ADAMTSL1: variants seen among roughly 807,000 people sequenced by gnomAD.
ADAMTSL1 encodes ADAMTS-like protein 1.
Under a neutral mutation model 201.8 loss-of-function variants are expected in ADAMTSL1, and 126 were observed. The observed-to-expected ratio is 0.62, with a 90% CI of 0.54 to 0.72. The LOEUF is 0.72. ADAMTSL1 is among the 30% of genes least tolerant of loss of function. The pLI is 0.00. For missense variants in ADAMTSL1, 2,679 were observed against 2,277.8 expected (o/e 1.18, Z -3.59); for synonymous variants, 1,121 against 903.4 (o/e 1.24, Z -4.32).
Position 18,168,002 on chromosome 9 carries a change from T to C in ADAMTSL1, c.207+4021T>C, listed in dbSNP as rs115275878. 2.2e-3 allele frequency among the ~76,000 whole-genome samples: 336 copies of C among 152,140 alleles called. 1 individual carries two copies. Among genetic ancestry groups the C allele is most frequent in the African/African-American group, 7.6e-3 (317 of 41,552 alleles). On this transcript the variant is annotated intron_variant, in intron 2 of 29. Transcript: ENST00000680146. Reference sequence around the variant, plus strand: ...TCTAATTGCTTCTTCCATAACTGTTTGTGGAATAAAGAGAAGAATGAACTA... The same window carrying C: ...TCTAATTGCTTCTTCCATAACTGTTCGTGGAATAAAGAGAAGAATGAACTA...
rs567176918 is a variant in ADAMTSL1 at position 18,720,855 on chromosome 9, C to A, written c.1877-681C>A. On this transcript the variant is annotated intron_variant, in intron 14 of 28. Coordinates refer to ENST00000380548, the MANE Select transcript of ADAMTSL1 (RefSeq NM_001040272.6). ...CCACCTTGGAGAACTTCCCAGTAAC[C>A]TTGTGCCAGTCACTGCTCAAACTCC... Among the ~76,000 whole-genome samples, 48 of 152,360 alleles carry A rather than the reference C, an allele frequency of 3.2e-4. 1 individual carries two copies. Among genetic ancestry groups the A allele is most frequent in the African/African-American group, 9.9e-4 (41 of 41,586 alleles).
chr9:18,551,763 G>A (rs13295522), intron 3 of ADAMTSL1, among the ~76,000 whole-genome samples: 36,319 of 151,634 alleles, frequency 0.24, 5,033 homozygotes, highest in Admixed American at 0.34. Flanking sequence ...ATGTAGGTCA[G>A]TGCCTGTCAC....
chr9:18,408,942 A>G (rs941865382), intron 2 of ADAMTSL1, among the ~76,000 whole-genome samples: 1 of 152,232 alleles, frequency 6.6e-6, no homozygotes, highest in East Asian at 1.9e-4. Flanking sequence ...GAGAGAGATC[A>G]AACAATTTTC....
chr9:18,502,889 C>T (rs1822915426), intron 1 of ADAMTSL1, among the ~76,000 whole-genome samples: 1 of 151,880 alleles, frequency 6.6e-6, no homozygotes, highest in Non-Finnish European at 1.5e-5. Flanking sequence ...ACTTTCAGAG[C>T]CCATATATGT....
chr9:18,483,803 G>T (rs1037547377), intron 1 of ADAMTSL1, among the ~76,000 whole-genome samples: 4 of 152,056 alleles, frequency 2.6e-5, no homozygotes, highest in African/African-American at 9.7e-5. Context: ...CTCCAGCCTG[G>T]GCGACAGAGC....
At chr9:18,537,253 C>G (rs1371562416) in intron 3 of ADAMTSL1, among the ~76,000 whole-genome samples, 1 of 152,052 alleles carries the variant, frequency 6.6e-6, no homozygotes, top group Non-Finnish European at 1.5e-5. Context: ...GCAGTTGGTG[C>G]AATGCAGAGA....
At chr9:18,844,048 C>T (rs535413194) in intron 23 of ADAMTSL1, among the ~76,000 whole-genome samples, 1 of 152,238 alleles carries the variant, frequency 6.6e-6, no homozygotes, top group African/African-American at 2.4e-5. Context: ...CAAAGTCATT[C>T]TCCGTCCAGC....
At chr9:17,928,469 C>T (rs959425238) in intron 1 of ADAMTSL1, among the ~76,000 whole-genome samples, 1 of 152,192 alleles carries the variant, frequency 6.6e-6, no homozygotes, top group South Asian at 2.1e-4. Flanking sequence ...TGACTTCTTC[C>T]ACCTTTAGCC....
intron 1 of ADAMTSL1, among the ~76,000 whole-genome samples, chr9:17,952,072 G>C (rs1461476821): frequency 6.6e-6 from 1 of 151,766 alleles, no homozygotes. Flanking sequence ...GAGTTGCTGG[G>C]AAAAGAGGTG....
At chr9:17,906,819 T>C (rs1588393361) in exon 1 of ADAMTSL1, 1 of 151,910 alleles carries the variant, frequency 6.6e-6, no homozygotes, top group Admixed American at 6.6e-5. Flanking sequence ...CTCCCCTTGG[T>C]CCCCGCCATG....
intron 2 of ADAMTSL1, among the ~76,000 whole-genome samples, chr9:18,295,646 T>G (rs1366032520): frequency 1.3e-5 from 2 of 152,202 alleles, no homozygotes; most frequent in African/African-American, 2.4e-5. Context: ...CTGCAACTGT[T>G]ATTCTTAATC....
intron 4 of ADAMTSL1, among the ~76,000 whole-genome samples, chr9:18,591,343 T>C (rs1043672393): frequency 6.6e-6 from 1 of 152,206 alleles, no homozygotes; most frequent in Non-Finnish European, 1.5e-5. Flanking sequence ...CTACTTCTGC[T>C]CTTTTTTGGT....
At chr9:18,517,528 A>G (rs985515652) in intron 2 of ADAMTSL1, among the ~76,000 whole-genome samples, 1 of 151,078 alleles carries the variant, frequency 6.6e-6, no homozygotes, top group Non-Finnish European at 1.5e-5. Context: ...CGAACTCGTC[A>G]TCTAGCATTA....
intron 1 of ADAMTSL1, among the ~76,000 whole-genome samples, chr9:18,156,543 A>T (rs1221690696): frequency 6.6e-6 from 1 of 151,918 alleles, no homozygotes; most frequent in Non-Finnish European, 1.5e-5. Flanking sequence ...TCACCCTAAC[A>T]TTCTCCTCCA....
At chr9:18,705,044 C>T (rs939243364) in intron 13 of ADAMTSL1, among the ~76,000 whole-genome samples, 1 of 152,204 alleles carries the variant, frequency 6.6e-6, no homozygotes, top group East Asian at 1.9e-4. Context: ...AGCAGACCAC[C>T]CCTGTTCCAC....
At chr9:18,621,307 ATGT>A (rs1192846406) in intron 4 of ADAMTSL1, among the ~76,000 whole-genome samples, 1 of 152,172 alleles carries the variant, frequency 6.6e-6, no homozygotes, top group East Asian at 1.9e-4. Context: ...AAAGCCTGTG[ATGT>A]TGTTAAGCCT....
At chr9:18,362,675 T>C (rs1276653560) in intron 2 of ADAMTSL1, among the ~76,000 whole-genome samples, 3 of 152,168 alleles carry the variant, frequency 2.0e-5, no homozygotes, top group African/African-American at 7.2e-5. Context: ...GGTAGCAAGG[T>C]AAAGCCAGTC....
intron 26 of ADAMTSL1, among the ~76,000 whole-genome samples, chr9:18,898,325 A>G (rs181914487): frequency 1.3e-5 from 2 of 152,242 alleles, no homozygotes; most frequent in Non-Finnish European, 2.9e-5. Context: ...GAGGAGCACA[A>G]TGACCTGATG....
intron 1 of ADAMTSL1, among the ~76,000 whole-genome samples, chr9:17,947,004 C>G (rs914991797): frequency 1.3e-5 from 2 of 151,966 alleles, no homozygotes; most frequent in Non-Finnish European, 2.9e-5. Flanking sequence ...TTTCTAAAAT[C>G]CAACTGATGA....
Sources: gnomAD v4.1 joint callset for allele counts (sites outside exome capture counted in the v4.1 genomes callset) on GRCh38, gnomAD v4.1.1 for gene constraint, MANE v1.5 for transcripts, NCBI Gene and HGNC (gene_info 2026-07-23, HGNC 2026-07-21) for gene names.